Variants in SLC25A26 observed in about 807,000 individuals in gnomAD.
SLC25A26 encodes the protein mitochondrial S-adenosylmethionine carrier protein.
A neutral mutation model predicts 37.8 loss-of-function variants in SLC25A26; 36 were observed. That is an observed-to-expected ratio of 0.95 (90% CI 0.73 to 1.26). The LOEUF is 1.26. Ranked by LOEUF, SLC25A26 falls within the 50% of genes most tolerant of loss-of-function variation. The pLI is 0.00. For missense variants in SLC25A26, 390 were observed against 331.1 expected (o/e 1.18, Z -1.38); for synonymous variants, 129 against 122.5 (o/e 1.05, Z -0.35).
chr3:66,151,309 G>T (rs1470579806), intron 1 of SLC25A26, among the ~76,000 whole-genome samples: 1 of 152,104 alleles, frequency 6.6e-6, no homozygotes, highest in East Asian at 1.9e-4. Flanking sequence ...AGCAAAGCTG[G>T]TCTACTCTGC....
At chr3:66,331,963 G>A (rs904337233) in intron 5 of SLC25A26, among the ~76,000 whole-genome samples, 7 of 151,808 alleles carry the variant, frequency 4.6e-5, no homozygotes, top group Non-Finnish European at 8.8e-5. Flanking sequence ...ACAGAGTCTC[G>A]CTGTGTTGCC....
At chr3:66,344,508 A>G (rs2076277114) in intron 5 of SLC25A26, among the ~76,000 whole-genome samples, 1 of 152,174 alleles carries the variant, frequency 6.6e-6, no homozygotes, top group Non-Finnish European at 1.5e-5. Context: ...CGTGAAGGTA[A>G]ATACCCATTA....
intron 1 of SLC25A26, among the ~76,000 whole-genome samples, chr3:66,202,963 T>G (rs1281415589): frequency 1.3e-5 from 2 of 152,246 alleles, no homozygotes; most frequent in African/African-American, 2.4e-5. Flanking sequence ...TGTTTTTAAC[T>G]AAATGACATA....
intron 5 of SLC25A26, among the ~76,000 whole-genome samples, chr3:66,289,197 A>C (rs145926297): frequency 8.0e-5 from 12 of 149,558 alleles, no homozygotes; most frequent in African/African-American, 2.9e-4. Context: ...TTGTAAATTT[A>C]AGTTCCTTGT....
intron 3 of SLC25A26, among the ~76,000 whole-genome samples, chr3:66,251,243 C>T (rs1421112011): frequency 2.0e-5 from 3 of 152,092 alleles, no homozygotes; most frequent in African/African-American, 4.8e-5. Flanking sequence ...AGAAAGTCCC[C>T]TGGCAGCTGT....
intron 5 of SLC25A26, among the ~76,000 whole-genome samples, chr3:66,327,089 C>T (rs570325170): frequency 6.6e-6 from 1 of 152,198 alleles, no homozygotes; most frequent in Non-Finnish European, 1.5e-5. Flanking sequence ...GACTTCTGCT[C>T]TTTTAGGTGG....
At chr3:66,184,554 T>C (rs2070778290) in intron 1 of SLC25A26, among the ~76,000 whole-genome samples, 1 of 14,966 alleles carries the variant, frequency 6.7e-5, no homozygotes, top group Non-Finnish European at 1.3e-4. Context: ...CAGACACTCA[T>C]CCTCATCAGG....
chr3:66,134,206 C>G (rs977438679), intron 1 of SLC25A26, among the ~76,000 whole-genome samples: 7 of 152,198 alleles, frequency 4.6e-5, no homozygotes, highest in Non-Finnish European at 7.3e-5. Context: ...GTTGTGATAA[C>G]CTTTGACACT....
At chr3:66,310,607 G>C (rs1483899858) in intron 5 of SLC25A26, among the ~76,000 whole-genome samples, 1 of 152,092 alleles carries the variant, frequency 6.6e-6, no homozygotes, top group Non-Finnish European at 1.5e-5. Context: ...TTTACAATTT[G>C]TTGTTTTTGC....
intron 5 of SLC25A26, among the ~76,000 whole-genome samples, chr3:66,340,239 T>G (rs2076178936): frequency 6.6e-6 from 1 of 152,068 alleles, no homozygotes; most frequent in Non-Finnish European, 1.5e-5. Flanking sequence ...CAACACAGTT[T>G]TGTTCATTGT....
chr3:66,319,830 C>T (rs1028645533), intron 5 of SLC25A26, among the ~76,000 whole-genome samples: 2 of 147,268 alleles, frequency 1.4e-5, no homozygotes, highest in Non-Finnish European at 3.0e-5. Context: ...CTCCGCTCAC[C>T]GCAACCTCTA....
At chr3:66,350,121 T>C (rs1032364198) in intron 6 of SLC25A26, among the ~76,000 whole-genome samples, 3 of 152,204 alleles carry the variant, frequency 2.0e-5, no homozygotes, top group Non-Finnish European at 4.4e-5. Flanking sequence ...GAGATTGTAT[T>C]ATATGAAAGG....
At chr3:66,274,644 G>GA (rs1189868150) in intron 5 of SLC25A26, among the ~76,000 whole-genome samples, 1 of 152,230 alleles carries the variant, frequency 6.6e-6, no homozygotes, top group Non-Finnish European at 1.5e-5. Context: ...AAAGACACAT[G>GA]AAAAAATGCT....
At chr3:66,254,007 G>C (rs1313724908) in intron 3 of SLC25A26, among the ~76,000 whole-genome samples, 1 of 152,164 alleles carries the variant, frequency 6.6e-6, no homozygotes, top group East Asian at 1.9e-4. Flanking sequence ...TGTGTAGTCT[G>C]TATTACCCGT....
chr3:66,288,876 G>C (rs1482550855), intron 5 of SLC25A26, among the ~76,000 whole-genome samples: 1 of 152,012 alleles, frequency 6.6e-6, no homozygotes, highest in East Asian at 1.9e-4. Flanking sequence ...GGTATTTCTG[G>C]TTCTAGATCC....
chr3:66,277,755 T>C (rs1380903728), intron 5 of SLC25A26, among the ~76,000 whole-genome samples: 1 of 152,138 alleles, frequency 6.6e-6, no homozygotes, highest in Non-Finnish European at 1.5e-5. Context: ...TGATCAAGAT[T>C]AGCATCACCA....
intron 3 of SLC25A26, among the ~76,000 whole-genome samples, chr3:66,245,716 G>C (rs184035207): frequency 5.9e-5 from 9 of 152,198 alleles, no homozygotes; most frequent in Admixed American, 4.6e-4. Flanking sequence ...AATATTCCTT[G>C]TTTAAGAATA....
At chr3:66,275,874 G>A (rs1344393801) in intron 5 of SLC25A26, among the ~76,000 whole-genome samples, 1 of 152,180 alleles carries the variant, frequency 6.6e-6, no homozygotes, top group Non-Finnish European at 1.5e-5. Flanking sequence ...CATTAGGTGT[G>A]TGCGAATTAT....
At chr3:66,331,467 C>A (rs1462618919) in intron 5 of SLC25A26, among the ~76,000 whole-genome samples, 1 of 152,116 alleles carries the variant, frequency 6.6e-6, no homozygotes, top group African/African-American at 2.4e-5. Flanking sequence ...CATGCCTATC[C>A]TTTTATTTCC....
Sources: allele counts gnomAD v4.1 joint callset (sites outside exome capture counted in the v4.1 genomes callset), GRCh38; gene constraint gnomAD v4.1.1; transcripts MANE v1.5; gene names NCBI Gene and HGNC (gene_info 2026-07-23, HGNC 2026-07-21).